EPHB1: variants seen among roughly 807,000 people sequenced by gnomAD.
EPHB1 encodes the protein EPH receptor B1.
Under a neutral mutation model 94.4 loss-of-function variants are expected in EPHB1, and 30 were observed. The ratio of observed to expected loss-of-function variants is 0.32; its 90% CI spans 0.24 to 0.43. The LOEUF is 0.43. Among genes scored for constraint, EPHB1 ranks in the 20% least tolerant of loss-of-function variants. The pLI is 1.00. For missense variants in EPHB1, 1,055 were observed against 1,308.3 expected, an observed-to-expected ratio of 0.81 and a Z score of 2.99; for synonymous variants, 522 against 489.1, an observed-to-expected ratio of 1.07 and a Z score of -0.89.
At chr3:135,249,623 T>G (rs4243397) in intron 15 of EPHB1, 132 bp downstream of exon 15, 1 of 1,049,274 alleles carries the variant, frequency 9.5e-7, no homozygotes, top group Non-Finnish European at 1.3e-6. Flanking sequence ...CAGGCCTGGA[T>G]GGGGAGCACC....
At chr3:134,897,321 A>G (rs1038822333) in intron 1 of EPHB1, among the ~76,000 whole-genome samples, 7 of 146,348 alleles carry the variant, frequency 4.8e-5, no homozygotes, top group African/African-American at 1.7e-4. Context: ...TGGCAATGTC[A>G]TTCTTGGGTC....
chr3:135,170,914 C>T (rs1021661388), intron 9 of EPHB1, among the ~76,000 whole-genome samples: 32 of 152,150 alleles, frequency 2.1e-4, no homozygotes, highest in African/African-American at 7.7e-4. Flanking sequence ...CGTGTGCAGG[C>T]AACTGCAGAT....
intron 1 of EPHB1, among the ~76,000 whole-genome samples, chr3:134,897,916 T>C (rs1010429877): frequency 5.3e-5 from 8 of 152,186 alleles, no homozygotes; most frequent in Non-Finnish European, 1.2e-4. Flanking sequence ...TAGCTCTTCT[T>C]CCTACTGGGA....
intron 1 of EPHB1, among the ~76,000 whole-genome samples, chr3:134,916,839 A>G (rs1000430258): frequency 2.0e-5 from 3 of 152,174 alleles, no homozygotes; most frequent in Non-Finnish European, 4.4e-5. Flanking sequence ...GGGCTCCTCA[A>G]GCGCGGCCAG....
intron 1 of EPHB1, among the ~76,000 whole-genome samples, chr3:134,912,014 T>G (rs1014943003): frequency 6.6e-6 from 1 of 152,218 alleles, no homozygotes; most frequent in Admixed American, 6.5e-5. Flanking sequence ...CAGGAGGGCC[T>G]GGCAGGGAGA....
chr3:134,869,918 C>T (rs970497553), intron 1 of EPHB1, among the ~76,000 whole-genome samples: 4 of 152,140 alleles, frequency 2.6e-5, no homozygotes, highest in African/African-American at 4.8e-5. Context: ...GGGACAAACA[C>T]AGCAGACCTT....
intron 3 of EPHB1, among the ~76,000 whole-genome samples, chr3:134,978,600 A>T (rs1051499010): frequency 6.6e-6 from 1 of 152,152 alleles, no homozygotes; most frequent in Non-Finnish European, 1.5e-5. Context: ...TTCAGTTGGC[A>T]CAACTCCAGG....
chr3:134,839,924 AC>A (rs1225228337), intron 1 of EPHB1, among the ~76,000 whole-genome samples: 1 of 151,968 alleles, frequency 6.6e-6, no homozygotes, highest in African/African-American at 2.4e-5. Flanking sequence ...CAGGACTGAG[AC>A]CCCCTAAAGG....
At chr3:135,104,399 T>C (rs2107798087) in intron 3 of EPHB1, among the ~76,000 whole-genome samples, 1 of 152,380 alleles carries the variant, frequency 6.6e-6, no homozygotes, top group South Asian at 2.1e-4. Context: ...TCATGTTTGA[T>C]GTGTTAGATC....
intron 12 of EPHB1, among the ~76,000 whole-genome samples, chr3:135,209,358 C>T (rs541782391): frequency 6.6e-6 from 1 of 152,314 alleles, no homozygotes; most frequent in African/African-American, 2.4e-5. Context: ...AGTAACTTTA[C>T]AGAGAAGTTT....
At chr3:135,243,090 A>AAAAAG (rs869264520) in intron 13 of EPHB1, among the ~76,000 whole-genome samples, 8 of 78,004 alleles carry the variant, frequency 1.0e-4, no homozygotes, top group African/African-American at 2.5e-4. Flanking sequence ...AAAAAAAAAA[A>AAAAAG]AAAAGAAAAG....
At chr3:134,941,269 T>C (rs770029352) in intron 2 of EPHB1, among the ~76,000 whole-genome samples, 20 of 151,460 alleles carry the variant, frequency 1.3e-4, no homozygotes, top group Non-Finnish European at 2.2e-4. Context: ...CTTCATTTTA[T>C]AGTGGCTCTT....
intron 11 of EPHB1, among the ~76,000 whole-genome samples, chr3:135,193,211 C>T (rs189405947): frequency 2.8e-4 from 43 of 152,318 alleles, no homozygotes; most frequent in Admixed American, 5.2e-4. Context: ...TCCCAGACTG[C>T]TCTCTGCATT....
At chr3:135,188,783 C>T (rs758592331) in intron 10 of EPHB1, among the ~76,000 whole-genome samples, 4 of 152,158 alleles carry the variant, frequency 2.6e-5, no homozygotes, top group Admixed American at 6.5e-5. Context: ...ATTACAGGGG[C>T]GAACATAATC....
chr3:135,188,477 A>G (rs976699229), intron 10 of EPHB1, among the ~76,000 whole-genome samples: 3 of 152,208 alleles, frequency 2.0e-5, no homozygotes, highest in African/African-American at 4.8e-5. Context: ...CCTGGGCGAC[A>G]TAGCAAGACT....
At chr3:135,236,659 C>T (rs1472047184) in intron 12 of EPHB1, among the ~76,000 whole-genome samples, 1 of 152,162 alleles carries the variant, frequency 6.6e-6, no homozygotes, top group Non-Finnish European at 1.5e-5. Flanking sequence ...GGCCATGAAC[C>T]TATCACTTCC....
intron 3 of EPHB1, among the ~76,000 whole-genome samples, chr3:135,075,223 G>A (rs147759078): frequency 0.017 from 2,541 of 152,230 alleles, 31 homozygotes; most frequent in Non-Finnish European, 0.026. Context: ...TCAATGTTGC[G>A]CTTTCTGGAG....
At chr3:135,201,884 G>A (rs1942766514) in intron 12 of EPHB1, among the ~76,000 whole-genome samples, 195 bp downstream of exon 12, 1 of 152,196 alleles carries the variant, frequency 6.6e-6, no homozygotes, top group Non-Finnish European at 1.5e-5. Context: ...AAGAAAGCAA[G>A]CATTTGGGCT....
intron 12 of EPHB1, among the ~76,000 whole-genome samples, chr3:135,205,145 A>T (rs1432069358): frequency 6.6e-6 from 1 of 152,110 alleles, no homozygotes; most frequent in Non-Finnish European, 1.5e-5. Context: ...TTATGGCTGA[A>T]TAGTACTCCA....
Sources: allele counts gnomAD v4.1 joint callset (sites outside exome capture counted in the v4.1 genomes callset), GRCh38; gene constraint gnomAD v4.1.1; transcripts MANE v1.5; gene names NCBI Gene and HGNC (gene_info 2026-07-23, HGNC 2026-07-21).